PROX1: variants seen among roughly 807,000 people sequenced by gnomAD.
PROX1 encodes prospero homeobox 1, also known as prospero homeobox protein 1.
In PROX1, 7 loss-of-function variants were observed where a neutral mutation model predicts 58.8. The ratio of observed to expected loss-of-function variants is 0.12; its 90% CI spans 0.07 to 0.22. PROX1 has a LOEUF of 0.22. PROX1 is among the 10% of genes least tolerant of loss of function. PROX1 has a pLI of 1.00. For missense variants in PROX1, 675 were observed against 927.8 expected (o/e 0.73, Z 3.54); for synonymous variants, 350 against 358.3 (o/e 0.98, Z 0.26).
rs1166203581 is a variant in PROX1, at chr1:214,038,829, C to T, written c.*2995C>T. 1.3e-5 allele frequency: 2 copies of T among 151,912 alleles called. No homozygotes were observed. Among genetic ancestry groups the T allele is most frequent in the African/African-American group, 4.8e-5 (2 of 41,336 alleles). The allele number at this position is 151,912 out of a possible 1,614,324, so 9.4% of individuals were successfully genotyped here. A position where few individuals can be genotyped will look rare whatever the true frequency, so the allele number is the denominator to read the frequency against. ...GTTGATAGCTATGCATATTTTGTGT[C>T]TTTTTAAAACAAAGCGGGAGAATAC... On this transcript the variant is annotated 3_prime_UTR_variant, in exon 5 of 5. Transcript: ENST00000366958.
chr1:214,004,467 C>T (rs1272121251), intron 2 of PROX1, among the ~76,000 whole-genome samples: 1 of 152,198 alleles, frequency 6.6e-6, no homozygotes, highest in Non-Finnish European at 1.5e-5. Flanking sequence ...AACTATAAAT[C>T]CAAGACAGGC....
At chr1:214,012,682 C>A (rs1342651366) in intron 4 of PROX1, among the ~76,000 whole-genome samples, 1 of 152,210 alleles carries the variant, frequency 6.6e-6, no homozygotes, top group Non-Finnish European at 1.5e-5. Flanking sequence ...ATCAGACAGG[C>A]TGTGGCTTGA....
chr1:213,983,567 G>A (rs1019438729), upstream of PROX1, among the ~76,000 whole-genome samples: 8 of 152,186 alleles, frequency 5.3e-5, no homozygotes, highest in Non-Finnish European at 1.2e-4. Flanking sequence ...CTTGAGTTGC[G>A]GCCCGAGACT....
intron 1 of PROX1, among the ~76,000 whole-genome samples, chr1:213,990,846 C>T (rs1384925155): frequency 1.3e-5 from 2 of 152,048 alleles, no homozygotes; most frequent in Admixed American, 6.6e-5. Flanking sequence ...TAGGTATGTA[C>T]ATAAACTCTT....
intron 4 of PROX1, among the ~76,000 whole-genome samples, chr1:214,031,618 T>A (rs1383713153): frequency 2.0e-5 from 3 of 152,200 alleles, no homozygotes; most frequent in Admixed American, 6.5e-5. Context: ...GAAACCTAGA[T>A]AAGGGATTAC....
intron 4 of PROX1, among the ~76,000 whole-genome samples, chr1:214,017,638 G>C (rs1441961589): frequency 1.3e-5 from 2 of 151,570 alleles, no homozygotes; most frequent in Non-Finnish European, 2.9e-5. Flanking sequence ...TTATACAAGG[G>C]CAGGCGCACA....
chr1:213,996,527 C>T lies in PROX1; in HGVS notation c.-9C>T, dbSNP rs981135032. The T allele has an allele frequency of 6.2e-7, 1 of 1,604,146 alleles. No homozygotes were observed. Among genetic ancestry groups the T allele is most frequent in the Non-Finnish European group, 8.5e-7 (1 of 1,173,470 alleles). ...GAGCTTTTGAAGATGGCACAATAAC[C>T]GTCCAGTGATGCCTGACCATGACAG... On this transcript the variant is annotated 5_prime_UTR_variant, in exon 2 of 5. Transcript: ENST00000366958.
chr1:213,996,693 A>T lies in PROX1; in HGVS notation c.158A>T (p.Asp53Val), dbSNP rs1466204200. The change falls in exon 2 of 5, where the codon GAT (aspartate) becomes GTT (valine). Residue 53 changes from aspartate (D) to valine (V), a missense_variant. By Grantham distance (152) the Asp-to-Val change is radical (BLOSUM62 -3). This residue lies in a region of PROX1 where 157 missense variants were observed against 197.8 expected (regional missense o/e 0.79). Transcript: ENST00000366958. ...ATGAATCCCCAAGGTTCTGAGCAGG[A>T]TGTTGAGTATTCAGTGGTGCAGCAT... is the stretch of plus-strand genomic sequence containing the variant. Reference protein sequence around the residue: ...SAMNPQGSEQDVEYSVVQHAD... With the variant: ...SAMNPQGSEQVVEYSVVQHAD... The T allele has an allele frequency of 6.2e-7, 1 of 1,614,196 alleles. No individual in the cohort carries two copies. The highest frequency in any genetic ancestry group is 1.7e-5 in the Admixed American group (1 of 60,024).
rs750392170 is a variant in PROX1, at chr1:214,035,828, T to C, written c.2208T>C (p.His736=). The change falls in exon 5 of 5, where the codon CAT becomes CAC. Residue 736 remains histidine, a synonymous_variant. Transcript: ENST00000366958. ...KSPNCLQELL[H]E Reference sequence around the variant, plus strand: ...CGAACTGCCTACAAGAGCTGCTTCATGAGTAGAAATTTCAACAACTCTTTT... The same window carrying C: ...CGAACTGCCTACAAGAGCTGCTTCACGAGTAGAAATTTCAACAACTCTTTT... 12 of 1,607,528 alleles carry C rather than the reference T, an allele frequency of 7.5e-6. No homozygotes were observed. The Admixed American group carries it at 2.0e-4, about 27-fold the overall frequency.
At chr1:214,025,214 G>A (rs143602321) in intron 4 of PROX1, among the ~76,000 whole-genome samples, 23 of 152,316 alleles carry the variant, frequency 1.5e-4, no homozygotes, top group Admixed American at 7.2e-4. Context: ...CTCTGTTCCC[G>A]TAGACATAGG....
At position 213,997,091 on chromosome 1, in the gene PROX1, G is replaced by A. The variant is rs149162531; in HGVS notation, c.556G>A (p.Gly186Ser). The A allele has an allele frequency of 5.1e-5, 83 of 1,613,688 alleles. No individual in the cohort carries two copies. Among genetic ancestry groups the A allele is most frequent in the Non-Finnish European group, 6.7e-5 (79 of 1,179,936 alleles). ...MSHSPSVALR[G>S]NENEREMAPQ... ...CCATTCCCCCAGTGTGGCATTAAGG[G>A]GCAATGAAAATGAAAGAGAGATGGC... The change falls in exon 2 of 5, where the codon GGC (glycine) becomes AGC (serine). Residue 186 changes from glycine to serine, a missense_variant. This residue lies in a region of PROX1 where 403 missense variants were observed against 477.4 expected (regional missense o/e 0.84). Transcript: ENST00000366958. The surrounding 1 kb of genome is among the most constrained non-coding windows in gnomAD (Gnocchi z 7.1).
chr1:213,997,027 A>T lies in PROX1; in HGVS notation c.492A>T (p.Ala164=). The T allele has an allele frequency of 1.2e-6, 2 of 1,614,142 alleles. No individual in the cohort carries two copies. The highest frequency in any genetic ancestry group is 1.7e-6 in the Non-Finnish European group (2 of 1,180,030). The change falls in exon 2 of 5, where the codon GCA becomes GCT. Residue 164 remains alanine, a synonymous_variant. Transcript: ENST00000366958. This position sits in a 1 kb window ranked among gnomAD's most constrained non-coding sequence, Gnocchi z 7.1. The stretch of plus-strand genomic sequence containing the variant: ...GCTTATGTGATGAGCACCTGAGAGC[A>T]AAGCGCGCCCGGGTTGAGAATATAA... ...MDRLCDEHLR[A]KRARVENIIR...
rs1274627980 is a variant in PROX1, at chr1:214,038,679, T to G, written c.*2845T>G. ...TTAAAAAATCCTTCAAAATACCAGT[T>G]TTTTCCCAACAAGTACAATTGTTCT... is the stretch of plus-strand genomic sequence containing the variant. On this transcript the variant is annotated 3_prime_UTR_variant, in exon 5 of 5. Coordinates refer to ENST00000366958, the MANE Select transcript of PROX1 (RefSeq NM_001270616.2). The G allele has an allele frequency of 2.0e-5, 3 of 152,156 alleles. No individual in the cohort carries two copies. The highest frequency in any genetic ancestry group is 7.2e-5 in the African/African-American group (3 of 41,434). The allele number at this position is 152,156 out of a possible 1,614,324, so 9.4% of individuals were successfully genotyped here. A position where few individuals can be genotyped will look rare whatever the true frequency, so the allele number is the denominator to read the frequency against.
At chr1:214,028,547 A>G (rs1181769599) in intron 4 of PROX1, among the ~76,000 whole-genome samples, 1 of 152,224 alleles carries the variant, frequency 6.6e-6, no homozygotes, top group African/African-American at 2.4e-5. Flanking sequence ...AGCACCTCTC[A>G]AAACGATGCT....
In PROX1 at chr1:214,039,426, G is replaced by A. The variant is rs773698888; in HGVS notation, c.*3592G>A. 2 of 151,926 alleles carry A rather than the reference G, an allele frequency of 1.3e-5. No individual in the cohort carries two copies. Among genetic ancestry groups the A allele is most frequent in the African/African-American group, 2.4e-5 (1 of 41,350 alleles). 9.4% of individuals were successfully genotyped at this position (151,926 alleles called of 1,614,324 possible). ...CTTTGTCACTGTACTAGGGATGTGG[G>A]TGAATATCATTTAAAAAAATTTAAA... On this transcript the variant is annotated 3_prime_UTR_variant, in exon 5 of 5. Coordinates refer to ENST00000366958, the MANE Select transcript of PROX1 (RefSeq NM_001270616.2).
intron 1 of PROX1, among the ~76,000 whole-genome samples, chr1:213,990,465 G>T (rs1662988610): frequency 6.6e-6 from 1 of 151,674 alleles, no homozygotes; most frequent in African/African-American, 2.4e-5. Flanking sequence ...GTATGTGTTT[G>T]TTTATTTTTC....
intron 4 of PROX1, among the ~76,000 whole-genome samples, chr1:214,012,347 T>A (rs1288135205): frequency 6.6e-6 from 1 of 152,218 alleles, no homozygotes; most frequent in Non-Finnish European, 1.5e-5. Flanking sequence ...CATGCTGCTC[T>A]TTGTACAAAC....
chr1:213,989,500 G>A (rs572119048), intron 1 of PROX1, among the ~76,000 whole-genome samples: 2 of 152,028 alleles, frequency 1.3e-5, no homozygotes, highest in Admixed American at 1.3e-4. Context: ...TCTCGTCTGG[G>A]TGGTACCTAC....
At chr1:214,032,133 A>C (rs149836488) in intron 4 of PROX1, among the ~76,000 whole-genome samples, 2,267 of 152,262 alleles carry the variant, frequency 0.015, 23 homozygotes, top group Non-Finnish European at 0.019. Context: ...AAGTTACTAG[A>C]TTCTCTGTGG....
Sources: allele counts gnomAD v4.1 joint callset (sites outside exome capture counted in the v4.1 genomes callset), GRCh38; gene constraint gnomAD v4.1.1; regional missense constraint gnomAD v4.1.1; non-coding constraint Gnocchi (gnomAD v3.1); transcripts MANE v1.5; gene names NCBI Gene and HGNC (gene_info 2026-07-23, HGNC 2026-07-21).